DNASE1: variants seen among roughly 807,000 people sequenced by gnomAD.
DNASE1 encodes deoxyribonuclease 1, also known as deoxyribonuclease-1.
A neutral mutation model predicts 33.9 loss-of-function variants in DNASE1; 40 were observed. The observed-to-expected ratio is 1.18, with a 90% confidence interval of 0.92 to 1.54. DNASE1 has a LOEUF of 1.54. DNASE1 is among the 40% of genes most tolerant of loss of function. The pLI is 0.00. For synonymous variants in DNASE1, 216 were observed against 160.0 expected (o/e 1.35, Z -2.64); for missense variants, 518 against 372.6 (o/e 1.39, Z -3.21).
chr16:3,658,817 G>A, downstream of DNASE1: 1 of 1,613,714 alleles, frequency 6.2e-7, no homozygotes. Flanking sequence ...GCTGAGCCAG[G>A]CCAGGCTCGC....
At chr16:3,653,806 C>CAAAAAAAAAAA (rs71133649), upstream of DNASE1, 11 of 37,038 alleles carry the variant, frequency 3.0e-4, 1 homozygote, top group East Asian at 2.4e-3. Flanking sequence ...GATTCCGCCT[C>CAAAAAAAAAAA]AAAAAAAAAA....
intron 1 of DNASE1, among the ~76,000 whole-genome samples, chr16:3,643,563 C>T (rs1240275874): frequency 6.6e-6 from 1 of 152,170 alleles, no homozygotes; most frequent in Non-Finnish European, 1.5e-5. Context: ...GGTGAGCTGT[C>T]CCTGTCGGGG....
chr16:3,664,375 T>C lies in DNASE1; in HGVS notation c.*6422T>C, dbSNP rs1486402841. On this transcript the variant is annotated 3_prime_UTR_variant, in exon 10 of 10. Transcript: ENST00000407479. ...TAGATGTTGCGGGTGCCGGCCCGCA[T>C]GCGGCTGGCGTATTCTGAGAGGCTG... 3.7e-6 allele frequency: 6 copies of C among 1,612,662 alleles called. No individual in the cohort carries two copies. The Admixed American group carries it at 6.7e-5, about 18-fold the overall frequency.
In DNASE1 at chr16:3,655,363, G is replaced by C. The variant is rs778926507; in HGVS notation, c.-1-10G>C. ...CTTCTGTTATGTCTCTGTGCCCTGT[G>C]CTCTCCCAGGATGAGGGGCATGAAG... On this transcript the variant is annotated splice_polypyrimidine_tract_variant and intron_variant, in intron 1 of 8. Coordinates refer to ENST00000246949, the MANE Select transcript of DNASE1 (RefSeq NM_005223.4). 6.2e-7 allele frequency: 1 copy of C among 1,614,008 alleles called. No homozygotes were observed. The highest frequency in any genetic ancestry group is 8.5e-7 in the Non-Finnish European group (1 of 1,179,982).
chr16:3,629,315 G>GT (rs1297900156), intron 1 of DNASE1, among the ~76,000 whole-genome samples: 4 of 151,650 alleles, frequency 2.6e-5, no homozygotes, highest in Non-Finnish European at 4.4e-5. Context: ...GTTACATTTT[G>GT]TCACATGCCT....
At chr16:3,632,266 A>G (rs2041722355) in intron 1 of DNASE1, among the ~76,000 whole-genome samples, 3 of 152,014 alleles carry the variant, frequency 2.0e-5, no homozygotes, top group South Asian at 4.1e-4. Flanking sequence ...TTATGTCCTT[A>G]CTGATTTTCT....
chr16:3,656,057 C>T (rs371093698), intron 3 of DNASE1, 45 bp from the exon 4 acceptor site: 2 of 1,611,582 alleles, frequency 1.2e-6, no homozygotes, highest in East Asian at 2.2e-5. Flanking sequence ...CCAGAGGGGT[C>T]CCCTATGGCC....
intron 1 of DNASE1, among the ~76,000 whole-genome samples, chr16:3,648,933 CTTCTT>C (rs1189240850): frequency 9.8e-5 from 15 of 152,316 alleles, no homozygotes; most frequent in African/African-American, 3.6e-4. Context: ...TGCCTCTCTT[CTTCTT>C]TTCATTTTGA....
intron 1 of DNASE1, among the ~76,000 whole-genome samples, chr16:3,647,260 G>C (rs952127530): frequency 1.3e-5 from 2 of 150,102 alleles, no homozygotes; most frequent in African/African-American, 5.0e-5. Flanking sequence ...ACTAATCATG[G>C]GATTTTTTTT....
At chr16:3,651,034 C>T (rs2042320160), upstream of DNASE1, 2 of 152,222 alleles carry the variant, frequency 1.3e-5, no homozygotes, top group African/African-American at 4.8e-5. Flanking sequence ...GGGGTGCCTC[C>T]GTGCAGGTTG....
chr16:3,663,002 G>A (rs752583169), downstream of DNASE1: 7 of 1,535,830 alleles, frequency 4.6e-6, no homozygotes, highest in Non-Finnish European at 8.8e-7. Flanking sequence ...GCTCAGGCCT[G>A]CATCCCAACT....
intron 1 of DNASE1, among the ~76,000 whole-genome samples, chr16:3,620,500 C>A (rs1205627664): frequency 3.7e-4 from 53 of 143,122 alleles, no homozygotes; most frequent in African/African-American, 1.3e-3. Flanking sequence ...GCCTGGGTGA[C>A]AGAGTGAGAC....
At chr16:3,651,114 C>G (rs376607511), upstream of DNASE1, 1 of 152,196 alleles carries the variant, frequency 6.6e-6, no homozygotes, top group Non-Finnish European at 1.5e-5. Context: ...CTGGCCTGCA[C>G]GTCGCTGGGT....
chr16:3,620,212 G>A (rs988555680), intron 1 of DNASE1, among the ~76,000 whole-genome samples: 3 of 152,098 alleles, frequency 2.0e-5, no homozygotes, highest in Non-Finnish European at 4.4e-5. Context: ...CACCTCGCCA[G>A]GCCTGTGTAT....
chr16:3,626,193 G>C (rs915740347), intron 1 of DNASE1, among the ~76,000 whole-genome samples: 5 of 149,626 alleles, frequency 3.3e-5, no homozygotes, highest in Non-Finnish European at 7.4e-5. Flanking sequence ...AATATCTAAA[G>C]AAATCCTAAA....
intron 1 of DNASE1, among the ~76,000 whole-genome samples, chr16:3,630,330 C>T (rs553061540): frequency 3.3e-5 from 5 of 152,038 alleles, no homozygotes; most frequent in South Asian, 2.1e-4. Context: ...CACAGGCACA[C>T]GCCACCACAC....
upstream of DNASE1, among the ~76,000 whole-genome samples, chr16:3,639,365 G>A (rs573461937): frequency 1.1e-4 from 17 of 152,256 alleles, no homozygotes; most frequent in Admixed American, 9.8e-4. Flanking sequence ...CCAGCTAGCC[G>A]CCTGGCAGCT....
downstream of DNASE1, chr16:3,662,002 A>G: frequency 6.2e-7 from 1 of 1,609,082 alleles, no homozygotes; most frequent in East Asian, 2.2e-5. Flanking sequence ...GTTGATCTCC[A>G]GCGTGGGCTG....
intron 1 of DNASE1, among the ~76,000 whole-genome samples, chr16:3,615,932 C>T (rs947373559): frequency 6.6e-6 from 1 of 152,202 alleles, no homozygotes; most frequent in African/African-American, 2.4e-5. Context: ...ACCTGTCCAC[C>T]TCCCTCTCCT....
Sources: gnomAD v4.1 joint callset for allele counts (sites outside exome capture counted in the v4.1 genomes callset) on GRCh38, gnomAD v4.1.1 for gene constraint, MANE v1.5 for transcripts, NCBI Gene and HGNC (gene_info 2026-07-23, HGNC 2026-07-21) for gene names.